SMYD3: variants seen among roughly 807,000 people sequenced by gnomAD.
SMYD3 encodes SET and MYND domain containing 3, also known as histone-lysine N-methyltransferase SMYD3.
A neutral mutation model predicts 57.7 loss-of-function variants in SMYD3; 36 were observed. That is an observed-to-expected ratio of 0.62 (90% CI 0.48 to 0.82). SMYD3 has a LOEUF of 0.82. SMYD3 is among the 40% of genes least tolerant of loss of function. The pLI, the probability that SMYD3 is intolerant of heterozygous loss-of-function variation, is 0.00. For missense variants in SMYD3, 515 were observed against 538.8 expected (o/e 0.96, Z 0.44); for synonymous variants, 211 against 195.0 (o/e 1.08, Z -0.68).
At chr1:246,108,014 G>A (rs996359560) in intron 5 of SMYD3, among the ~76,000 whole-genome samples, 4 of 152,176 alleles carry the variant, frequency 2.6e-5, no homozygotes, top group African/African-American at 7.2e-5. Context: ...ATCTAAGATA[G>A]GTAGTTTCTG....
chr1:246,071,804 T>A (rs917552394), intron 5 of SMYD3, among the ~76,000 whole-genome samples: 9 of 150,098 alleles, frequency 6.0e-5, no homozygotes, highest in African/African-American at 1.7e-4. Context: ...GAGGGATTCG[T>A]GTGCTTTCCA....
At chr1:245,837,916 G>T (rs1403092125) in intron 10 of SMYD3, among the ~76,000 whole-genome samples, 1 of 152,200 alleles carries the variant, frequency 6.6e-6, no homozygotes, top group African/African-American at 2.4e-5. Context: ...AAAGAAGAAA[G>T]GAAGTCAACG....
chr1:246,435,189 G>C (rs2067352826), intron 1 of SMYD3, among the ~76,000 whole-genome samples: 1 of 152,130 alleles, frequency 6.6e-6, no homozygotes, highest in Admixed American at 6.5e-5. Context: ...AGGAGGCAAG[G>C]ATTGAAAAAT....
At chr1:246,258,638 C>T (rs1050935685) in intron 5 of SMYD3, among the ~76,000 whole-genome samples, 11 of 152,154 alleles carry the variant, frequency 7.2e-5, no homozygotes, top group Non-Finnish European at 1.6e-4. Context: ...TTTTCTCTAG[C>T]TGCCTTTAAG....
intron 1 of SMYD3, among the ~76,000 whole-genome samples, chr1:246,438,864 A>G (rs1169151042): frequency 6.6e-6 from 1 of 151,286 alleles, no homozygotes; most frequent in Non-Finnish European, 1.5e-5. Flanking sequence ...ACAGTTCACA[A>G]TAGGGTTCAC....
intron 5 of SMYD3, among the ~76,000 whole-genome samples, chr1:246,184,454 T>G (rs776972979): frequency 6.6e-6 from 1 of 152,178 alleles, no homozygotes; most frequent in Non-Finnish European, 1.5e-5. Context: ...AGGCCTCCTC[T>G]GGGGAGACTA....
intron 10 of SMYD3, among the ~76,000 whole-genome samples, chr1:245,785,448 G>A (rs890697686): frequency 6.6e-6 from 1 of 152,090 alleles, no homozygotes; most frequent in Non-Finnish European, 1.5e-5. Flanking sequence ...ACTTGCAGAT[G>A]CAATACTGTG....
At chr1:246,404,696 C>T (rs1411720847) in intron 1 of SMYD3, among the ~76,000 whole-genome samples, 1 of 152,006 alleles carries the variant, frequency 6.6e-6, no homozygotes, top group East Asian at 1.9e-4. Flanking sequence ...TAGACTTGTG[C>T]TCTCCAATAC....
chr1:246,406,493 T>C (rs1434127889), intron 1 of SMYD3, among the ~76,000 whole-genome samples: 2 of 152,230 alleles, frequency 1.3e-5, no homozygotes, highest in Admixed American at 6.5e-5. Context: ...TTCAGCCTTG[T>C]AGTTTAATAA....
At chr1:246,502,135 CT>C (rs56336266) in intron 1 of SMYD3, among the ~76,000 whole-genome samples, 51 of 145,970 alleles carry the variant, frequency 3.5e-4, no homozygotes, top group African/African-American at 8.6e-4. Flanking sequence ...ATGCAGCTGC[CT>C]TTTTTTTTTT....
intron 9 of SMYD3, 95 bp downstream of exon 9, chr1:245,863,704 G>T: frequency 9.0e-7 from 1 of 1,114,980 alleles, no homozygotes; most frequent in South Asian, 1.4e-5. Flanking sequence ...CTCATGGAGA[G>T]GTCAAACCCC....
At chr1:246,236,597 G>A (rs1355645261) in intron 5 of SMYD3, among the ~76,000 whole-genome samples, 1 of 152,002 alleles carries the variant, frequency 6.6e-6, no homozygotes, top group Non-Finnish European at 1.5e-5. Flanking sequence ...TGTATTTTTA[G>A]TAGAGACAGG....
intron 10 of SMYD3, among the ~76,000 whole-genome samples, chr1:245,803,914 T>C (rs1423564606): frequency 2.3e-5 from 3 of 128,420 alleles, no homozygotes; most frequent in Non-Finnish European, 4.9e-5. Flanking sequence ...TAAGTCAGTA[T>C]TTTTTTTTTT....
At position 245,874,283 on chromosome 1, in the gene SMYD3, A is replaced by G. The variant is rs144059675; in HGVS notation, c.814-10397T>C. Among the ~76,000 whole-genome samples, 426 of 152,352 alleles carry G rather than the reference A, an allele frequency of 2.8e-3. 2 individuals are homozygous for G. The highest frequency in any genetic ancestry group is 5.2e-3 in the Non-Finnish European group (352 of 68,034). ...TCTAACATTTGTATGTATAATGATT[A>G]TAACAGGCAATATTCCAAGCTTGGG... On this transcript the variant is annotated intron_variant, in intron 8 of 11. Transcript: ENST00000490107.
chr1:246,452,923 A>G (rs2067651821), intron 1 of SMYD3, among the ~76,000 whole-genome samples: 1 of 152,196 alleles, frequency 6.6e-6, no homozygotes, highest in South Asian at 2.1e-4. Flanking sequence ...AGGAATAAAG[A>G]AAGCCCACCA....
At chr1:246,187,616 TA>T (rs1250647336) in intron 5 of SMYD3, among the ~76,000 whole-genome samples, 1 of 152,244 alleles carries the variant, frequency 6.6e-6, no homozygotes, top group African/African-American at 2.4e-5. Context: ...TTGAAACTTT[TA>T]AATTTCTTAA....
Position 246,203,533 on chromosome 1 carries a change from T to C in SMYD3, c.531+123668A>G, listed in dbSNP as rs1290177138. On this transcript the variant is annotated intron_variant, in intron 5 of 11. Coordinates refer to ENST00000490107, the MANE Select transcript of SMYD3 (RefSeq NM_001167740.2). The surrounding 1 kb of genome is among the most constrained non-coding windows in gnomAD (Gnocchi z 4.6). ...AGCCCTCTCTGGCTGGAGGAGCCAC[T>C]GTCTTGCTGCCTCCTGACACGGCAG... Among the ~76,000 whole-genome samples, 4 of 152,218 alleles carry C rather than the reference T, an allele frequency of 2.6e-5. No individual in the cohort carries two copies. The East Asian group carries it at 7.7e-4, about 29-fold the overall frequency.
intron 10 of SMYD3, among the ~76,000 whole-genome samples, chr1:245,792,805 G>A (rs180898435): frequency 2.0e-5 from 3 of 152,268 alleles, no homozygotes; most frequent in South Asian, 2.1e-4. Context: ...CATGAGGGAC[G>A]ACGTCGAAGT....
At chr1:246,349,327 G>T (rs183437726) in intron 2 of SMYD3, among the ~76,000 whole-genome samples, 1 of 150,612 alleles carries the variant, frequency 6.6e-6, no homozygotes, top group South Asian at 2.1e-4. Context: ...AGCAGGGGCC[G>T]GGCACAGTGG....
Sources: allele counts gnomAD v4.1 joint callset (sites outside exome capture counted in the v4.1 genomes callset), GRCh38; gene constraint gnomAD v4.1.1; non-coding constraint Gnocchi (gnomAD v3.1); transcripts MANE v1.5; gene names NCBI Gene and HGNC (gene_info 2026-07-23, HGNC 2026-07-21).